Variants in SLC36A1 observed in about 807,000 individuals in gnomAD.
SLC36A1 encodes the protein solute carrier family 36 member 1.
SLC36A1 carries 30 observed loss-of-function variants against 47.5 expected under a neutral mutation model. That is an observed-to-expected ratio of 0.63 (90% CI 0.47 to 0.86). The LOEUF is 0.86. Ranked by LOEUF, SLC36A1 falls within the 40% of genes least tolerant of loss-of-function variation. The pLI is 0.00. For missense variants in SLC36A1, 517 were observed against 606.0 expected, an observed-to-expected ratio of 0.85 and a Z score of 1.54; for synonymous variants, 255 against 249.7, an observed-to-expected ratio of 1.02 and a Z score of -0.20.
chr5:151,374,322 C>T, the SLC36A1 span, among the ~76,000 whole-genome samples: 2 of 152,204 alleles, frequency 1.3e-5, no homozygotes, highest in African/African-American at 2.4e-5. Flanking sequence ...GCCGCCTGCA[C>T]CCAGGAGCTC....
the SLC36A1 span, chr5:151,544,410 A>G: frequency 1.9e-6 from 3 of 1,614,132 alleles, no homozygotes; most frequent in Non-Finnish European, 2.5e-6. Flanking sequence ...CTGTGAACAC[A>G]TGTTTGGTCT....
At chr5:151,362,561 T>G in the SLC36A1 span, among the ~76,000 whole-genome samples, 1 of 152,062 alleles carries the variant, frequency 6.6e-6, no homozygotes. Context: ...AAGCTAATTT[T>G]TGTATTTTTA....
At chr5:151,363,003 A>C in the SLC36A1 span, among the ~76,000 whole-genome samples, 1 of 152,088 alleles carries the variant, frequency 6.6e-6, no homozygotes, top group Non-Finnish European at 1.5e-5. Flanking sequence ...GTGGATGTAC[A>C]CCTATGTCTT....
rs201427492 is a variant in SLC36A1 at position 151,461,993 on chromosome 5, A to G, written c.144-1560A>G. On this transcript the variant is annotated intron_variant, in intron 2 of 10. Coordinates refer to ENST00000243389, the MANE Select transcript of SLC36A1 (RefSeq NM_078483.4). ...TTTTTTCATAGAACTAGAAAGAACA[A>G]CTAACAAACTGTAGGTCATTCAGAC... Among the ~76,000 whole-genome samples, 9 of 152,180 alleles carry G rather than the reference A, an allele frequency of 5.9e-5. No individual in the cohort carries two copies. The East Asian group carries it at 1.7e-3, about 29-fold the overall frequency.
At chr5:151,398,217 G>A in the SLC36A1 span, among the ~76,000 whole-genome samples, 1 of 152,150 alleles carries the variant, frequency 6.6e-6, no homozygotes, top group South Asian at 2.1e-4. Context: ...CCTCCGAGTA[G>A]CTTTGCGTCC....
upstream of SLC36A1, among the ~76,000 whole-genome samples, chr5:151,433,235 TATATATATATATATATATA>T: frequency 1.2e-4 from 1 of 8,370 alleles, no homozygotes; most frequent in East Asian, 3.5e-3. Context: ...TATATATATA[TATATATATATATATATATA>T]TATATATATA....
chr5:151,542,213 A>C, the SLC36A1 span: 1 of 1,465,546 alleles, frequency 6.8e-7, no homozygotes, highest in Non-Finnish European at 9.2e-7. Flanking sequence ...ACATGAACCC[A>C]TTTTAGGGCA....
chr5:151,538,053 AAG>A, the SLC36A1 span: 1 of 914,106 alleles, frequency 1.1e-6, no homozygotes, highest in Non-Finnish European at 1.6e-6. Context: ...GAGAGACACT[AAG>A]AGGGCAGAGA....
At chr5:151,418,899 A>T in the SLC36A1 span, among the ~76,000 whole-genome samples, 1 of 152,154 alleles carries the variant, frequency 6.6e-6, no homozygotes, top group Non-Finnish European at 1.5e-5. Context: ...TAGTCCCCAT[A>T]ATCACCGCAT....
At chr5:151,406,900 C>T in the SLC36A1 span, among the ~76,000 whole-genome samples, 20 of 152,156 alleles carry the variant, frequency 1.3e-4, no homozygotes, top group African/African-American at 3.4e-4. Flanking sequence ...ATGGTGTGTC[C>T]GGAGTTTGTT....
the SLC36A1 span, among the ~76,000 whole-genome samples, chr5:151,393,408 G>C: frequency 6.6e-6 from 1 of 152,056 alleles, no homozygotes; most frequent in Non-Finnish European, 1.5e-5. Context: ...TTACATTTAG[G>C]GTTAATAGTG....
chr5:151,550,719 A>G, the SLC36A1 span: 1 of 1,614,162 alleles, frequency 6.2e-7, no homozygotes, highest in Non-Finnish European at 8.5e-7. Flanking sequence ...CATGTATGGT[A>G]TAGATGAGGC....
the SLC36A1 span, chr5:151,505,400 G>A: frequency 1.3e-6 from 1 of 792,254 alleles, no homozygotes; most frequent in Non-Finnish European, 2.0e-6. Flanking sequence ...CACCCTCAGG[G>A]ACTAGGTGGG....
At chr5:151,375,445 C>T in the SLC36A1 span, among the ~76,000 whole-genome samples, 7 of 152,100 alleles carry the variant, frequency 4.6e-5, no homozygotes, top group Admixed American at 1.3e-4. Flanking sequence ...CAGTGTCATG[C>T]TGTTTTGGTT....
chr5:151,400,896 C>G, the SLC36A1 span, among the ~76,000 whole-genome samples: 2 of 151,906 alleles, frequency 1.3e-5, no homozygotes, highest in East Asian at 1.9e-4. Flanking sequence ...TTGAATTATT[C>G]AAGTTCCTTA....
the SLC36A1 span, chr5:151,546,365 T>C: frequency 1.9e-6 from 3 of 1,568,106 alleles, no homozygotes; most frequent in Non-Finnish European, 2.6e-6. Flanking sequence ...ACAAACAAGT[T>C]TGCCACACCC....
At chr5:151,381,280 T>A in the SLC36A1 span, 1 of 247,320 alleles carries the variant, frequency 4.0e-6, no homozygotes, top group Non-Finnish European at 8.1e-6. Flanking sequence ...CCTCAGCCCC[T>A]GAGCCCATGC....
At chr5:151,465,048 C>G in intron 4 of SLC36A1, 26 bp from the exon 5 acceptor site, 1 of 1,566,318 alleles carries the variant, frequency 6.4e-7, no homozygotes, top group Non-Finnish European at 8.8e-7. Flanking sequence ...GTGCTCTGTC[C>G]TTCCTCTTCC....
chr5:151,473,884 G>A (rs1757666445), intron 8 of SLC36A1, 113 bp downstream of exon 8: 1 of 865,926 alleles, frequency 1.2e-6, no homozygotes, highest in Admixed American at 1.9e-5. Flanking sequence ...CTGAGGCCAG[G>A]CATGGTGGCT....
Sources: gnomAD v4.1 joint callset for allele counts (sites outside exome capture counted in the v4.1 genomes callset) on GRCh38, gnomAD v4.1.1 for gene constraint, MANE v1.5 for transcripts, NCBI Gene and HGNC (gene_info 2026-07-23, HGNC 2026-07-21) for gene names.